UACA: variants seen among roughly 807,000 people sequenced by gnomAD.
The protein encoded by UACA is nuclear membrane binding protein.
Under a neutral mutation model 160.5 loss-of-function variants are expected in UACA, and 112 were observed. The observed-to-expected ratio is 0.70, with a 90% confidence interval of 0.60 to 0.82. The LOEUF (loss-of-function observed/expected upper bound fraction) is 0.82, where lower values mean the gene tolerates loss of function less well. Ranked by LOEUF, UACA falls within the 40% of genes least tolerant of loss-of-function variation. UACA has a pLI of 0.00. For synonymous variants in UACA, 557 were observed against 568.4 expected (o/e 0.98, Z 0.29); for missense variants, 1,574 against 1,614.6 (o/e 0.97, Z 0.43).
At chr15:70,778,017 A>G in the UACA span, among the ~76,000 whole-genome samples, 1 of 152,202 alleles carries the variant, frequency 6.6e-6, no homozygotes, top group South Asian at 2.1e-4. Flanking sequence ...CCTGGGCAAC[A>G]TGGCAAAATT....
intron 1 of UACA, among the ~76,000 whole-genome samples, chr15:70,751,513 C>G (rs1421988511): frequency 6.6e-6 from 1 of 152,160 alleles, no homozygotes; most frequent in African/African-American, 2.4e-5. Flanking sequence ...TATGCAAGCC[C>G]TTAATATGCC....
intron 9 of UACA, 182 bp from the exon 10 acceptor site, chr15:70,679,858 TTTTAAATAAATCAAGTATAACTTA>T (rs1166432220): frequency 2.0e-5 from 7 of 355,604 alleles, no homozygotes; most frequent in Non-Finnish European, 3.5e-5. Flanking sequence ...TAAGACTATG[TTTTAAATAAATCAAGTATAACTTA>T]TTTAAAAATA....
At chr15:70,717,672 C>T (rs1295520023) in intron 1 of UACA, among the ~76,000 whole-genome samples, 1 of 152,148 alleles carries the variant, frequency 6.6e-6, no homozygotes, top group Non-Finnish European at 1.5e-5. Flanking sequence ...ACTCTCCATA[C>T]TCATATTTTA....
In UACA at chr15:70,668,502, G is replaced by T; in HGVS notation, c.2182C>A (p.Leu728Ile). Reference protein sequence around the residue: ...EIEKVYLDNKLLKEQAHNLTI... With the variant: ...EIEKVYLDNKILKEQAHNLTI... ...AAGTTATGTGCTTGCTCCTTGAGGA[G>T]CTTATTATCCAAATAAACTTTTTCA... is the stretch of plus-strand genomic sequence containing the variant. Residue 728 changes from leucine (L) to isoleucine (I), a missense_variant, in exon 16 of 19, where the codon CTC (leucine) becomes ATC (isoleucine). By Grantham distance (5) the Leu-to-Ile change is conservative. Transcript: ENST00000322954. 1 of 1,611,248 alleles carries T rather than the reference G, an allele frequency of 6.2e-7. No individual in the cohort carries two copies. Among genetic ancestry groups the T allele is most frequent in the South Asian group, 1.1e-5 (1 of 90,302 alleles).
chr15:70,684,592 A>T, intron 7 of UACA, 146 bp from the exon 8 acceptor site: 1 of 746,846 alleles, frequency 1.3e-6, no homozygotes, highest in Non-Finnish European at 2.1e-6. Context: ...AAAGCAAGTG[A>T]CTATAATGTA....
intron 15 of UACA, among the ~76,000 whole-genome samples, chr15:70,669,833 T>C (rs57322107): frequency 0.038 from 5,777 of 152,274 alleles, 364 homozygotes; most frequent in African/African-American, 0.13. Flanking sequence ...TGTTTTATGG[T>C]ACATAATGTG....
rs866429673 is a variant in UACA, at chr15:70,667,190, G to T, written c.3494C>A (p.Pro1165His). Residue 1165 changes from proline to histidine, a missense_variant, in exon 16 of 19, where the codon CCC (proline) becomes CAC (histidine). Pro to His is a moderately conservative substitution (Grantham distance 77). Coordinates refer to ENST00000322954, the MANE Select transcript of UACA (RefSeq NM_018003.4). ...TTTAATCTGCAAATGCTCTGCCAGGGGTACAGAAGAGTTCTTTTGATTCTC... is the reference window on the plus strand; with the variant it reads ...TTTAATCTGCAAATGCTCTGCCAGGTGTACAGAAGAGTTCTTTTGATTCTC... ...LLENQKNSSV[P>H]LAEHLQIKEA... 15 of 1,613,524 alleles carry T rather than the reference G, an allele frequency of 9.3e-6. 1 individual carries two copies. The Admixed American group carries it at 1.3e-4, about 14-fold the overall frequency.
rs749680290 is a variant in UACA at position 70,669,400 on chromosome 15, T to C, written c.1284A>G (p.Leu428=). The C allele has an allele frequency of 1.4e-5, 23 of 1,613,556 alleles. No individual in the cohort carries two copies. The highest frequency in any genetic ancestry group is 6.7e-5 in the Admixed American group (4 of 59,936). The change falls in exon 16 of 19, where the codon CTA becomes CTG. Residue 428 remains leucine (L), a synonymous_variant. Coordinates refer to ENST00000322954, the MANE Select transcript of UACA (RefSeq NM_018003.4). ...AGTATGACGTTTGACTGGGTAAAGATAGTTCCAGAGGTCTTAACATAGATC... is the reference window on the plus strand; with the variant it reads ...AGTATGACGTTTGACTGGGTAAAGACAGTTCCAGAGGTCTTAACATAGATC... ...QSRSMLRPLE[L]SLPSQTSYSE... is the part of the protein sequence containing the mutation.
chr15:70,672,606 T>C (rs1006983239), intron 13 of UACA, among the ~76,000 whole-genome samples: 4 of 152,146 alleles, frequency 2.6e-5, no homozygotes, highest in Non-Finnish European at 5.9e-5. Flanking sequence ...GGGTTGTTCC[T>C]TTTCCCAAGT....
chr15:70,745,948 T>C (rs1010481514), intron 1 of UACA, among the ~76,000 whole-genome samples: 1 of 152,164 alleles, frequency 6.6e-6, no homozygotes, highest in African/African-American at 2.4e-5. Context: ...AAACTGAAAC[T>C]GGACCCCTTC....
intron 2 of UACA, among the ~76,000 whole-genome samples, chr15:70,696,300 C>CT (rs1454648872): frequency 3.3e-5 from 5 of 152,174 alleles, no homozygotes; most frequent in Non-Finnish European, 1.5e-5. Flanking sequence ...TCTTTATAGT[C>CT]TATCAATCTC....
At chr15:70,763,982 C>G (rs1847401437), upstream of UACA, among the ~76,000 whole-genome samples, 1 of 152,228 alleles carries the variant, frequency 6.6e-6, no homozygotes, top group Non-Finnish European at 1.5e-5. Context: ...GGAGCAACTT[C>G]TTTTCAGTCT....
At chr15:70,778,240 A>C in the UACA span, among the ~76,000 whole-genome samples, 1 of 151,864 alleles carries the variant, frequency 6.6e-6, no homozygotes, top group Non-Finnish European at 1.5e-5. Flanking sequence ...ACCTTTTTTT[A>C]CTCAAACTTT....
chr15:70,702,710 G>A (rs2140971484), intron 1 of UACA, among the ~76,000 whole-genome samples: 1 of 152,278 alleles, frequency 6.6e-6, no homozygotes, highest in South Asian at 2.1e-4. Context: ...CGCACACACA[G>A]TAACACTTTC....
intron 1 of UACA, chr15:70,754,065 C>G (rs1251252609): frequency 2.2e-6 from 1 of 454,206 alleles, no homozygotes; most frequent in Non-Finnish European, 4.4e-6. Flanking sequence ...CTCGGCCTTC[C>G]AAAGTGTTGG....
chr15:70,711,273 A>C (rs1898673374), intron 1 of UACA, among the ~76,000 whole-genome samples: 1 of 152,204 alleles, frequency 6.6e-6, no homozygotes, highest in South Asian at 2.1e-4. Context: ...TTTAAACCCT[A>C]ATATAAGGAG....
chr15:70,671,303 G>GT (rs1037254955), intron 14 of UACA: 17,504 of 284,044 alleles, frequency 0.062, 1 homozygote, highest in Middle Eastern at 0.1. Context: ...TACTAGGTTG[G>GT]TTTTTTTTTT....
intron 12 of UACA, among the ~76,000 whole-genome samples, 163 bp from the exon 13 acceptor site, chr15:70,676,754 A>T (rs888754705): frequency 6.6e-6 from 1 of 152,218 alleles, no homozygotes; most frequent in African/African-American, 2.4e-5. Flanking sequence ...ATTTCTACAA[A>T]TATACTAATG....
chr15:70,667,119 C>G lies in UACA; in HGVS notation c.3565G>C (p.Glu1189Gln). 1.2e-6 allele frequency: 2 copies of G among 1,613,164 alleles called. No homozygotes were observed. The highest frequency in any genetic ancestry group is 1.7e-6 in the Non-Finnish European group (2 of 1,179,852). ...TTGTTTTGGCTTTCTTCTTCCTTTT[C>G]TCTCAAGCTGGCTTTTATGATTCCA... ...EVGIIKASLREKEEESQNKME... is the reference protein window; with the variant it reads ...EVGIIKASLRQKEEESQNKME... Residue 1189 changes from glutamate to glutamine, a missense_variant, in exon 16 of 19, where the codon GAA (glutamate) becomes CAA (glutamine). Transcript: ENST00000322954.
Sources: allele counts gnomAD v4.1 joint callset (sites outside exome capture counted in the v4.1 genomes callset), GRCh38; gene constraint gnomAD v4.1.1; transcripts MANE v1.5; gene names NCBI Gene and HGNC (gene_info 2026-07-23, HGNC 2026-07-21).